Variants in CHAF1B observed in about 807,000 individuals in gnomAD.
CHAF1B encodes the protein CAF-1 subunit B.
A neutral mutation model predicts 60.7 loss-of-function variants in CHAF1B; 10 were observed. The ratio of observed to expected loss-of-function variants is 0.16; its 90% confidence interval spans 0.10 to 0.28. The LOEUF is 0.28. Among genes scored for constraint, CHAF1B ranks in the 10% least tolerant of loss-of-function variants. The probability of loss-of-function intolerance (pLI) is 1.00; values close to 1 mark genes in which losing one functional copy is unlikely to be tolerated. For synonymous variants in CHAF1B, 261 were observed against 266.1 expected (o/e 0.98, Z 0.19); for missense variants, 558 against 708.4 (o/e 0.79, Z 2.41).
At chr21:36,386,520 C>G (rs1214008534) in intron 2 of CHAF1B, among the ~76,000 whole-genome samples, 2 of 152,102 alleles carry the variant, frequency 1.3e-5, no homozygotes, top group Non-Finnish European at 2.9e-5. Context: ...GAGAGGATCG[C>G]TTGAGCCTAG....
intron 3 of CHAF1B, among the ~76,000 whole-genome samples, chr21:36,389,748 T>C (rs1167360575): frequency 6.9e-6 from 1 of 145,934 alleles, no homozygotes; most frequent in Non-Finnish European, 1.5e-5. Context: ...ATACCCAGAG[T>C]GCATGAAGGG....
chr21:36,397,551 T>C, intron 6 of CHAF1B, 40 bp downstream of exon 6: 1 of 1,158,024 alleles, frequency 8.6e-7, no homozygotes, highest in Non-Finnish European at 1.2e-6. Context: ...TTTCTTTGTA[T>C]TTACTTGGAA....
chr21:36,397,462 G>C lies in CHAF1B; in HGVS notation c.529G>C (p.Val177Leu). The C allele has an allele frequency of 6.4e-7, 1 of 1,570,922 alleles. No homozygotes were observed. The highest frequency in any genetic ancestry group is 8.7e-7 in the Non-Finnish European group (1 of 1,150,182). Residue 177 changes from valine to leucine, a missense_variant, in exon 6 of 14, where the codon GTA (valine) becomes CTA (leucine). Around this residue, in one of 2 missense-constraint regions of CHAF1B, gnomAD observed 325 missense variants for 493.5 expected, o/e 0.66. Coordinates refer to ENST00000314103, the MANE Select transcript of CHAF1B (RefSeq NM_005441.3). ...FNEHKSYVQG[V>L]TWDPLGQYVA... ...TGAACATAAAAGTTATGTCCAAGGA[G>C]TAACCTGGGACCCTTTGGGTCAATA...
At chr21:36,402,951 A>C in intron 8 of CHAF1B, 100 bp downstream of exon 8, 2 of 999,688 alleles carry the variant, frequency 2.0e-6, no homozygotes, top group Non-Finnish European at 1.5e-6. Flanking sequence ...TGCTGATTAG[A>C]GTGGGGGTCC....
At chr21:36,400,219 C>T (rs949925332) in intron 7 of CHAF1B, among the ~76,000 whole-genome samples, 1 of 150,858 alleles carries the variant, frequency 6.6e-6, no homozygotes, top group Non-Finnish European at 1.5e-5. Context: ...ATGGCTCATG[C>T]CTGTAATCCT....
chr21:36,415,925 G>A (rs1342490449), intron 13 of CHAF1B: 1 of 319,398 alleles, frequency 3.1e-6, no homozygotes, highest in East Asian at 9.3e-5. Context: ...GGTAATTTTT[G>A]TATTTTTAGT....
chr21:36,395,640 G>A lies in CHAF1B; in HGVS notation c.481+990G>A, dbSNP rs1002103190. 3.3e-5 allele frequency among the ~76,000 whole-genome samples: 5 copies of A among 152,182 alleles called. No individual in the cohort carries two copies. The East Asian group carries it at 7.7e-4, about 23-fold the overall frequency. On this transcript the variant is annotated intron_variant, in intron 5 of 13. Transcript: ENST00000314103. ...GCATGCTAGTTGATGGGGTAGGTGG[G>A]ATCAGGTTTCCATTTTAGAAGATCA...
intron 7 of CHAF1B, among the ~76,000 whole-genome samples, chr21:36,402,497 T>C (rs747178648): frequency 6.6e-6 from 1 of 152,230 alleles, no homozygotes; most frequent in African/African-American, 2.4e-5. Context: ...TATATACATA[T>C]AGCTTTACCT....
At position 36,389,800 on chromosome 21, in the gene CHAF1B, T is replaced by TGTGTGTGTGCGCGC; in HGVS notation, c.260-1750_260-1749insTGTGTGTGCGCGCG. 5.6e-3 allele frequency among the ~76,000 whole-genome samples: 700 copies of TGTGTGTGTGCGCGC among 124,732 alleles called. 2 individuals are homozygous for TGTGTGTGTGCGCGC. The highest frequency in any genetic ancestry group is 7.9e-3 in the African/African-American group (224 of 28,412). 81.8% of individuals were successfully genotyped at this position (124,732 alleles called of 152,430 possible). On this transcript the variant is annotated intron_variant, in intron 3 of 13. Transcript: ENST00000314103. ...GTGTGTGTGTGTGTGTGTGTGTGTG[T>TGTGTGTGTGCGCGC]GCGCGCGCACGCTGATTTGTAGAGG... is the stretch of plus-strand genomic sequence containing the variant.
At chr21:36,397,289 TCACTTA>T (rs1192895966) in intron 5 of CHAF1B, 120 bp from the exon 6 acceptor site, 1 of 436,382 alleles carries the variant, frequency 2.3e-6, no homozygotes, top group African/African-American at 2.0e-5. Flanking sequence ...ACAGAGTCTC[TCACTTA>T]CTGCCTGCTG....
At chr21:36,392,736 C>T (rs1024153730) in intron 4 of CHAF1B, among the ~76,000 whole-genome samples, 6 of 151,582 alleles carry the variant, frequency 4.0e-5, no homozygotes, top group African/African-American at 7.3e-5. Flanking sequence ...GACAGGGCGG[C>T]GGGGCAGAGG....
intron 8 of CHAF1B, among the ~76,000 whole-genome samples, chr21:36,406,331 G>A (rs1035543409): frequency 2.1e-4 from 32 of 152,164 alleles, no homozygotes; most frequent in Admixed American, 8.5e-4. Context: ...TGTCGCCCAG[G>A]CTTGAGAGCA....
chr21:36,412,800 G>A, intron 11 of CHAF1B, 84 bp from the exon 12 acceptor site: 1 of 1,330,578 alleles, frequency 7.5e-7, no homozygotes, highest in South Asian at 1.4e-5. Context: ...AAACAAGCTT[G>A]TGATTTTGCT....
intron 8 of CHAF1B, among the ~76,000 whole-genome samples, chr21:36,403,640 G>A (rs1289434055): frequency 6.6e-6 from 1 of 152,082 alleles, no homozygotes; most frequent in Non-Finnish European, 1.5e-5. Flanking sequence ...ACAAACTTGT[G>A]GAAGCAGCAG....
intron 11 of CHAF1B, 64 bp downstream of exon 11, chr21:36,411,668 C>G (rs1397078379): frequency 1.9e-6 from 3 of 1,578,974 alleles, no homozygotes; most frequent in Non-Finnish European, 2.6e-6. Context: ...GGAAGACACC[C>G]CGGGGTTAGG....
At chr21:36,397,248 G>C (rs184053803) in intron 5 of CHAF1B, among the ~76,000 whole-genome samples, 167 bp from the exon 6 acceptor site, 26 of 152,256 alleles carry the variant, frequency 1.7e-4, no homozygotes, top group African/African-American at 6.3e-4. Context: ...AGTCATCTTT[G>C]TGACCCCAGA....
At position 36,401,254 on chromosome 21, in the gene CHAF1B, C is replaced by T. The variant is rs576380057; in HGVS notation, c.664-1504C>T. On this transcript the variant is annotated intron_variant, in intron 7 of 13. Coordinates refer to ENST00000314103, the MANE Select transcript of CHAF1B (RefSeq NM_005441.3). ...TGCACTCCAGCCTGGGCAACAAGAG[C>T]GAAACTCTGGCTCAAAAAAAAATAT... 9.5e-5 allele frequency among the ~76,000 whole-genome samples: 14 copies of T among 147,300 alleles called. 1 individual carries two copies. Among genetic ancestry groups the T allele is most frequent in the South Asian group, 4.2e-4 (2 of 4,742 alleles).
chr21:36,406,538 A>G (rs2086239576), intron 8 of CHAF1B, among the ~76,000 whole-genome samples: 1 of 151,956 alleles, frequency 6.6e-6, no homozygotes, highest in Admixed American at 6.6e-5. Flanking sequence ...CACCCGCCTC[A>G]GCCTCCCAAA....
At chr21:36,396,723 C>T (rs2086143033) in intron 5 of CHAF1B, among the ~76,000 whole-genome samples, 1 of 152,000 alleles carries the variant, frequency 6.6e-6, no homozygotes, top group South Asian at 2.1e-4. Flanking sequence ...TGCAGGCGAT[C>T]TCTGTGTGCT....
Sources: allele counts gnomAD v4.1 joint callset (sites outside exome capture counted in the v4.1 genomes callset), GRCh38; gene constraint gnomAD v4.1.1; regional missense constraint gnomAD v4.1.1; transcripts MANE v1.5; gene names NCBI Gene and HGNC (gene_info 2026-07-23, HGNC 2026-07-21).